The following CLSTN2 variants were observed in gnomAD, a reference collection of about 807,000 sequenced individuals.
The protein encoded by CLSTN2 is calsyntenin-2.
Under a neutral mutation model 101.2 loss-of-function variants are expected in CLSTN2, and 48 were observed. The observed-to-expected ratio is 0.47, with a 90% confidence interval of 0.38 to 0.60. The LOEUF (loss-of-function observed/expected upper bound fraction) is 0.60, where lower values mean the gene tolerates loss of function less well. Ranked by LOEUF, CLSTN2 falls within the 20% of genes least tolerant of loss-of-function variation. The probability of loss-of-function intolerance (pLI) is 0.00; values close to 1 mark genes in which losing one functional copy is unlikely to be tolerated. For missense variants in CLSTN2, 1,160 were observed against 1,238.2 expected (o/e 0.94, Z 0.95); for synonymous variants, 481 against 463.6 (o/e 1.04, Z -0.48).
At chr3:139,995,203 T>C (rs1936182007) in intron 1 of CLSTN2, among the ~76,000 whole-genome samples, 2 of 152,172 alleles carry the variant, frequency 1.3e-5, no homozygotes, top group Admixed American at 1.3e-4. Flanking sequence ...CACATTTCCT[T>C]CCTGAGCTCT....
At chr3:140,549,455 T>C (rs559085154) in intron 10 of CLSTN2, among the ~76,000 whole-genome samples, 14 of 151,528 alleles carry the variant, frequency 9.2e-5, no homozygotes, top group African/African-American at 3.2e-4. Flanking sequence ...CTTCCATTCC[T>C]AGGGCATGGC....
chr3:140,244,729 C>A (rs1032167565), intron 2 of CLSTN2, among the ~76,000 whole-genome samples: 6 of 152,058 alleles, frequency 3.9e-5, no homozygotes, highest in Non-Finnish European at 8.8e-5. Context: ...AAACAGATTC[C>A]CTTTTTATTT....
At chr3:140,185,930 G>A (rs1447140031) in intron 2 of CLSTN2, among the ~76,000 whole-genome samples, 1 of 152,130 alleles carries the variant, frequency 6.6e-6, no homozygotes, top group Non-Finnish European at 1.5e-5. Flanking sequence ...CTTTGTTGTT[G>A]CACTTTTATC....
chr3:140,288,131 G>GA (rs1161520758), intron 2 of CLSTN2, among the ~76,000 whole-genome samples: 60 of 135,738 alleles, frequency 4.4e-4, no homozygotes, highest in Non-Finnish European at 8.3e-4. Flanking sequence ...GGAAACCGGC[G>GA]GGGGGGGTCA....
At chr3:140,090,370 GCT>G (rs2008757067) in intron 1 of CLSTN2, among the ~76,000 whole-genome samples, 1 of 152,056 alleles carries the variant, frequency 6.6e-6, no homozygotes, top group South Asian at 2.1e-4. Flanking sequence ...CAATAATCCT[GCT>G]CTGTCAATCT....
chr3:140,558,943 T>C (rs1935859236), intron 12 of CLSTN2, 86 bp downstream of exon 12: 2 of 1,044,942 alleles, frequency 1.9e-6, no homozygotes, highest in East Asian at 5.0e-5. Flanking sequence ...ACAGCATTGT[T>C]CATGTAATGT....
chr3:140,517,657 C>T lies in CLSTN2; in HGVS notation c.1345-14667C>T, dbSNP rs115454466. ...GTACTGGGGAGTGTCTACAAAGAGT[C>T]CTGTGATGTGAACCGTCTTCAGTTC... is the stretch of plus-strand genomic sequence containing the variant. On this transcript the variant is annotated intron_variant, in intron 8 of 16. Coordinates refer to ENST00000458420, the MANE Select transcript of CLSTN2 (RefSeq NM_022131.3). 8.5e-3 allele frequency among the ~76,000 whole-genome samples: 1,299 copies of T among 152,270 alleles called. 7 individuals carry two copies. Among genetic ancestry groups the T allele is most frequent in the Non-Finnish European group, 0.013 (854 of 68,026 alleles).
intron 5 of CLSTN2, among the ~76,000 whole-genome samples, chr3:140,429,415 A>G (rs2088604940): frequency 6.6e-6 from 1 of 152,162 alleles, no homozygotes; most frequent in African/African-American, 2.4e-5. Flanking sequence ...GAGCAAATCT[A>G]GAAAAATACT....
At chr3:140,213,451 G>A (rs2010882788) in intron 2 of CLSTN2, among the ~76,000 whole-genome samples, 1 of 152,216 alleles carries the variant, frequency 6.6e-6, no homozygotes, top group African/African-American at 2.4e-5. Flanking sequence ...TGCTTGGCAT[G>A]AGCTGTGGCA....
chr3:140,097,047 C>T (rs1485592583), intron 1 of CLSTN2, among the ~76,000 whole-genome samples: 16 of 152,132 alleles, frequency 1.1e-4, no homozygotes, highest in Non-Finnish European at 5.9e-5. Flanking sequence ...GGTGTTGGAC[C>T]AGCTTAGCTC....
At chr3:139,969,395 C>A (rs1283839980) in intron 1 of CLSTN2, among the ~76,000 whole-genome samples, 6 of 152,188 alleles carry the variant, frequency 3.9e-5, no homozygotes, top group Admixed American at 3.9e-4. Flanking sequence ...TCTGACCTCT[C>A]AATCAGTTTC....
chr3:140,193,350 TC>T (rs2010600301), intron 2 of CLSTN2, among the ~76,000 whole-genome samples: 1 of 150,884 alleles, frequency 6.6e-6, no homozygotes, highest in African/African-American at 2.4e-5. Flanking sequence ...ATTCCTTTTG[TC>T]TTTCTTCATT....
intron 1 of CLSTN2, among the ~76,000 whole-genome samples, chr3:140,115,409 G>C (rs1475964636): frequency 6.6e-6 from 1 of 152,120 alleles, no homozygotes; most frequent in Non-Finnish European, 1.5e-5. Flanking sequence ...TGGGTGGGTG[G>C]GTAGGTGGGG....
intron 1 of CLSTN2, among the ~76,000 whole-genome samples, chr3:140,057,576 T>A (rs1314354383): frequency 6.6e-6 from 1 of 152,212 alleles, no homozygotes; most frequent in Non-Finnish European, 1.5e-5. Context: ...ATCGCCTCAT[T>A]AGTCATATTT....
chr3:140,354,012 C>T (rs1033217660), intron 2 of CLSTN2, among the ~76,000 whole-genome samples: 1 of 152,168 alleles, frequency 6.6e-6, no homozygotes, highest in Admixed American at 6.5e-5. Context: ...GGGAAATCAG[C>T]TCAATATTCA....
At chr3:140,064,706 A>G (rs574225519) in intron 1 of CLSTN2, among the ~76,000 whole-genome samples, 123 of 152,368 alleles carry the variant, frequency 8.1e-4, no homozygotes, top group African/African-American at 2.8e-3. Context: ...GCAATAAGCC[A>G]TAAGTATAAG....
chr3:140,099,052 G>T (rs2008922310), intron 1 of CLSTN2, among the ~76,000 whole-genome samples: 2 of 152,164 alleles, frequency 1.3e-5, no homozygotes, highest in African/African-American at 2.4e-5. Flanking sequence ...GTCCAGAGAA[G>T]GACATGAGAA....
At chr3:140,268,189 G>A (rs1160432886) in intron 2 of CLSTN2, among the ~76,000 whole-genome samples, 1 of 152,162 alleles carries the variant, frequency 6.6e-6, no homozygotes, top group African/African-American at 2.4e-5. Flanking sequence ...GACCCAATAA[G>A]AAGGTTCTGA....
At chr3:140,422,546 G>C (rs2088517574) in intron 5 of CLSTN2, among the ~76,000 whole-genome samples, 1 of 152,178 alleles carries the variant, frequency 6.6e-6, no homozygotes, top group Non-Finnish European at 1.5e-5. Context: ...CACCTCTGGA[G>C]AGAGCCAGAG....
Sources: allele counts gnomAD v4.1 joint callset (sites outside exome capture counted in the v4.1 genomes callset), GRCh38; gene constraint gnomAD v4.1.1; transcripts MANE v1.5; gene names NCBI Gene and HGNC (gene_info 2026-07-23, HGNC 2026-07-21).